Variants in FAM193A observed in about 807,000 individuals in gnomAD.
FAM193A encodes protein FAM193A.
Under a neutral mutation model 126.5 loss-of-function variants are expected in FAM193A, and 22 were observed. The ratio of observed to expected loss-of-function variants is 0.17; its 90% CI spans 0.12 to 0.25. The LOEUF is 0.25. FAM193A is among the 10% of genes least tolerant of loss of function. FAM193A has a pLI of 1.00. For synonymous variants in FAM193A, 761 were observed against 646.8 expected, an observed-to-expected ratio of 1.18 and a Z score of -2.68; for missense variants, 1,675 against 1,672.8, an observed-to-expected ratio of 1.00 and a Z score of -0.02.
At chr4:2,617,515 C>T (rs978155965) in intron 2 of FAM193A, among the ~76,000 whole-genome samples, 7 of 151,338 alleles carry the variant, frequency 4.6e-5, no homozygotes, top group African/African-American at 1.2e-4. Context: ...CCACCTGCCT[C>T]GCCTTCCCAA....
At chr4:2,704,637 C>T (rs1378370273) in intron 19 of FAM193A, among the ~76,000 whole-genome samples, 1 of 152,144 alleles carries the variant, frequency 6.6e-6, no homozygotes, top group Non-Finnish European at 1.5e-5. Context: ...CGTCCAAGTT[C>T]TCCAAACCCT....
At chr4:2,654,226 T>C (rs1745946209) in intron 7 of FAM193A, among the ~76,000 whole-genome samples, 1 of 152,012 alleles carries the variant, frequency 6.6e-6, no homozygotes, top group Non-Finnish European at 1.5e-5. Context: ...TGGTAGGTTT[T>C]GTTTGTTTGT....
rs35548308 is a variant in FAM193A at position 2,649,374 on chromosome 4, G to GAA, written c.1311+2558_1311+2559dup. Among the ~76,000 whole-genome samples the GAA allele has an allele frequency of 4.4e-3, 415 of 94,328 alleles. 2 individuals are homozygous for GAA. The highest frequency in any genetic ancestry group is 0.013 in the African/African-American group (380 of 28,392). 61.9% of individuals were successfully genotyped at this position (94,328 alleles called of 152,430 possible). On this transcript the variant is annotated intron_variant, in intron 7 of 20. Coordinates refer to ENST00000637812, the MANE Select transcript of FAM193A (RefSeq NM_001366318.2). ...TGGGTGACAGAGTGAGACCCTGTCT[G>GAA]AAAAAAAAAAAAAAAAAGCCAGGCT...
At chr4:2,591,243 G>C (rs1740554155) in intron 1 of FAM193A, among the ~76,000 whole-genome samples, 1 of 152,232 alleles carries the variant, frequency 6.6e-6, no homozygotes, top group African/African-American at 2.4e-5. Flanking sequence ...AAGAGATAAA[G>C]CCACATAGTT....
chr4:2,647,274 T>C (rs1461542875), intron 7 of FAM193A, among the ~76,000 whole-genome samples: 1 of 151,808 alleles, frequency 6.6e-6, no homozygotes, highest in African/African-American at 2.4e-5. Flanking sequence ...GCCTCCCGAG[T>C]AGCTGGGATT....
chr4:2,643,674 T>C (rs1218083498), intron 6 of FAM193A, among the ~76,000 whole-genome samples: 1 of 152,182 alleles, frequency 6.6e-6, no homozygotes, highest in Non-Finnish European at 1.5e-5. Context: ...ATGAAAGAAC[T>C]AGGCCATCTG....
chr4:2,561,176 G>A (rs1038869895), intron 1 of FAM193A, among the ~76,000 whole-genome samples: 1 of 152,144 alleles, frequency 6.6e-6, no homozygotes. Flanking sequence ...ATATATGCTG[G>A]TAGAGATTTC....
At chr4:2,712,889 G>C (rs1719134186) in intron 19 of FAM193A, among the ~76,000 whole-genome samples, 1 of 151,728 alleles carries the variant, frequency 6.6e-6, no homozygotes, top group Non-Finnish European at 1.5e-5. Flanking sequence ...GATCACCTGA[G>C]GTCAAGAGTT....
chr4:2,597,837 C>G (rs1740955736), intron 2 of FAM193A, among the ~76,000 whole-genome samples: 1 of 152,136 alleles, frequency 6.6e-6, no homozygotes, highest in Admixed American at 6.6e-5. Flanking sequence ...TTGCATCACC[C>G]CATAAAATCC....
chr4:2,622,883 A>T (rs1304194973), intron 2 of FAM193A, among the ~76,000 whole-genome samples: 1 of 151,756 alleles, frequency 6.6e-6, no homozygotes, highest in Non-Finnish European at 1.5e-5. Flanking sequence ...CAACTTATGA[A>T]CGGGGGCGGG....
At chr4:2,562,706 C>T (rs112162347) in intron 1 of FAM193A, among the ~76,000 whole-genome samples, 10,661 of 150,476 alleles carry the variant, frequency 0.071, 658 homozygotes, top group African/African-American at 0.17. Context: ...CTTGGCTCAC[C>T]GCAACCTCCG....
intron 2 of FAM193A, among the ~76,000 whole-genome samples, chr4:2,609,196 T>G (rs1332139496): frequency 6.6e-6 from 1 of 152,076 alleles, no homozygotes; most frequent in Non-Finnish European, 1.5e-5. Flanking sequence ...CTGGCTGAAT[T>G]TCACCATTTT....
chr4:2,577,621 GT>G (rs1560455809), intron 1 of FAM193A, among the ~76,000 whole-genome samples: 1 of 151,926 alleles, frequency 6.6e-6, no homozygotes, highest in Non-Finnish European at 1.5e-5. Flanking sequence ...GTTTTGCCGT[GT>G]TGGCCAGGCT....
chr4:2,675,313 C>A (rs1392257984), intron 13 of FAM193A, among the ~76,000 whole-genome samples: 1 of 152,168 alleles, frequency 6.6e-6, no homozygotes, highest in Admixed American at 6.5e-5. Flanking sequence ...TTGACTGATT[C>A]TCTGCCTGCT....
In FAM193A at chr4:2,693,637, C is replaced by A. The variant is rs750912285; in HGVS notation, c.2855C>A (p.Ala952Asp). 1 of 1,614,112 alleles carries A rather than the reference C, an allele frequency of 6.2e-7. No individual in the cohort carries two copies. Among genetic ancestry groups the A allele is most frequent in the South Asian group, 1.1e-5 (1 of 91,062 alleles). Residue 952 changes from alanine (A) to aspartate (D), a missense_variant, in exon 16 of 21, where the codon GCC (alanine) becomes GAC (aspartate). Ala to Asp is a moderately radical substitution (Grantham distance 126). Transcript: ENST00000637812. The part of the protein sequence containing the change: ...SKEDHRHSAP[A>D]APRNSPTGLA... ...GAGGACCACAGACACTCGGCCCCAG[C>A]CGCCCCGAGGAATAGCCCCACGGGC...
chr4:2,548,196 C>T (rs894291651), intron 1 of FAM193A, among the ~76,000 whole-genome samples: 1 of 149,240 alleles, frequency 6.7e-6, no homozygotes. Flanking sequence ...CTCAGCCTCC[C>T]GAGTAGCTGG....
chr4:2,700,919 C>T (rs1717651102), intron 19 of FAM193A, among the ~76,000 whole-genome samples: 1 of 152,108 alleles, frequency 6.6e-6, no homozygotes, highest in South Asian at 2.1e-4. Flanking sequence ...GAGCCAAGAT[C>T]ATGCCGTTGC....
At chr4:2,687,316 C>G (rs1715855653) in intron 13 of FAM193A, among the ~76,000 whole-genome samples, 1 of 152,244 alleles carries the variant, frequency 6.6e-6, no homozygotes, top group African/African-American at 2.4e-5. Flanking sequence ...AGTGCACCAT[C>G]ACACTCACTG....
At chr4:2,537,526 C>T (rs1014548946) in intron 1 of FAM193A, among the ~76,000 whole-genome samples, 1 of 152,254 alleles carries the variant, frequency 6.6e-6, no homozygotes, top group African/African-American at 2.4e-5. Flanking sequence ...GGCGCTTCGC[C>T]TTCCGCTGGA....
Sources: gnomAD v4.1 joint callset for allele counts (sites outside exome capture counted in the v4.1 genomes callset) on GRCh38, gnomAD v4.1.1 for gene constraint, MANE v1.5 for transcripts, NCBI Gene and HGNC (gene_info 2026-07-23, HGNC 2026-07-21) for gene names.